The following CRK variants were observed in gnomAD, a reference collection of about 807,000 sequenced individuals.
CRK encodes the protein adapter molecule crk.
In CRK, 4 loss-of-function variants were observed where a neutral mutation model predicts 29.8. The ratio of observed to expected loss-of-function variants is 0.13; its 90% CI spans 0.07 to 0.31. The LOEUF is 0.31. Among genes scored for constraint, CRK ranks in the 10% least tolerant of loss-of-function variants. The probability of loss-of-function intolerance (pLI) is 1.00; values close to 1 mark genes in which losing one functional copy is unlikely to be tolerated. For synonymous variants in CRK, 153 were observed against 164.9 expected (o/e 0.93, Z 0.55); for missense variants, 274 against 396.5 (o/e 0.69, Z 2.62).
intron 2 of CRK, among the ~76,000 whole-genome samples, chr17:1,433,723 C>T (rs1440888049): frequency 6.6e-6 from 1 of 151,286 alleles, no homozygotes; most frequent in South Asian, 2.1e-4. Context: ...TTCATCATAT[C>T]GGTCAGGCTG....
chr17:1,429,367 C>T (rs1207493862), intron 2 of CRK, among the ~76,000 whole-genome samples: 1 of 151,924 alleles, frequency 6.6e-6, no homozygotes, highest in African/African-American at 2.4e-5. Flanking sequence ...ATTGCAAACT[C>T]CGCCTCCTGG....
At chr17:1,436,594 C>T in intron 2 of CRK, 26 bp downstream of exon 2, 2 of 1,569,394 alleles carry the variant, frequency 1.3e-6, no homozygotes, top group East Asian at 2.2e-5. Flanking sequence ...CAGATCTCTT[C>T]TTTCTACATT....
intron 1 of CRK, among the ~76,000 whole-genome samples, chr17:1,448,455 T>TC (rs564760392): frequency 1.2e-3 from 187 of 151,610 alleles, no homozygotes; most frequent in Non-Finnish European, 2.0e-3. Flanking sequence ...GAAACCCATC[T>TC]CTACTAAAAA....
chr17:1,433,823 T>C (rs1471945474), intron 2 of CRK, among the ~76,000 whole-genome samples: 2 of 99,758 alleles, frequency 2.0e-5, no homozygotes, highest in South Asian at 3.4e-4. Flanking sequence ...CCAGCATGTA[T>C]GGTTTTTTTT....
In CRK at chr17:1,456,192, C is replaced by T. The variant is rs1422845233; in HGVS notation, c.-75G>A. The T allele has an allele frequency of 7.4e-7, 1 of 1,356,346 alleles. No individual in the cohort carries two copies. Among genetic ancestry groups the T allele is most frequent in the Non-Finnish European group, 9.4e-7 (1 of 1,059,292 alleles). The allele number at this position is 1,356,346 out of a possible 1,614,324, so 84.0% of individuals were successfully genotyped here. ...CCGGCCCCCGGCGCCCGCCGCCCAG[C>T]GGACCGGCTCCGGTTTCAGCTTCAC... On this transcript the variant is annotated 5_prime_UTR_variant, in exon 1 of 3. Transcript: ENST00000300574.
intron 2 of CRK, chr17:1,424,867 A>T (rs2073762582): frequency 6.6e-6 from 1 of 151,802 alleles, no homozygotes; most frequent in Non-Finnish European, 1.5e-5. Context: ...TACAAAAATT[A>T]GCTGGGTGTG....
chr17:1,441,811 A>AT (rs1197540121), intron 1 of CRK, among the ~76,000 whole-genome samples: 4 of 151,118 alleles, frequency 2.6e-5, no homozygotes, highest in Non-Finnish European at 5.9e-5. Context: ...TGATTTTGAA[A>AT]TTTTTTTTAT....
intron 1 of CRK, among the ~76,000 whole-genome samples, chr17:1,446,391 C>T (rs529692298): frequency 6.6e-6 from 1 of 152,200 alleles, no homozygotes; most frequent in Admixed American, 6.6e-5. Context: ...AGGTAACCAC[C>T]CCCTGCCAGC....
intron 2 of CRK, among the ~76,000 whole-genome samples, chr17:1,424,138 C>T (rs1437636548): frequency 1.4e-5 from 2 of 145,568 alleles, no homozygotes; most frequent in African/African-American, 5.1e-5. Context: ...GTGATCTCAG[C>T]TCACTGCAAG....
Position 1,430,266 on chromosome 17 carries a change from A to T in CRK, c.777+6354T>A, listed in dbSNP as rs569811670. 2.5e-3 allele frequency among the ~76,000 whole-genome samples: 377 copies of T among 151,256 alleles called. 3 individuals carry two copies. Among genetic ancestry groups the T allele is most frequent in the African/African-American group, 8.6e-3 (352 of 40,774 alleles). On this transcript the variant is annotated intron_variant, in intron 2 of 2. Transcript: ENST00000300574. ...AAAATGTTAGTCAGGCTGGTCTCGA[A>T]TTCCTGACCTCAGGTGAAGAGTTCA...
At chr17:1,441,380 G>A (rs2073933801) in intron 1 of CRK, among the ~76,000 whole-genome samples, 1 of 152,146 alleles carries the variant, frequency 6.6e-6, no homozygotes, top group African/African-American at 2.4e-5. Context: ...CCAAGCTGGA[G>A]TGCAGTAGTG....
intron 1 of CRK, among the ~76,000 whole-genome samples, chr17:1,450,155 A>C (rs2074006025): frequency 1.3e-5 from 2 of 152,104 alleles, no homozygotes; most frequent in South Asian, 4.1e-4. Context: ...CAGTGAGCTG[A>C]GATCGTCCCA....
chr17:1,452,034 G>C (rs140296364), intron 1 of CRK, among the ~76,000 whole-genome samples: 1 of 151,064 alleles, frequency 6.6e-6, no homozygotes, highest in Non-Finnish European at 1.5e-5. Context: ...CCAGGGCAGA[G>C]GCAAAGTATT....
intron 1 of CRK, 95 bp from the exon 2 acceptor site, chr17:1,437,250 CTA>C (rs552359472): frequency 3.4e-5 from 46 of 1,346,040 alleles, no homozygotes; most frequent in Admixed American, 1.4e-4. Context: ...TGGGATCTCA[CTA>C]TGTTACCCAG....
rs1335697978 is a variant in CRK at position 1,423,312 on chromosome 17, C to T, written c.*201G>A. 6.0e-6 allele frequency: 4 copies of T among 668,052 alleles called. No homozygotes were observed. Among genetic ancestry groups the T allele is most frequent in the Admixed American group, 3.2e-5 (1 of 31,120 alleles). The allele number at this position is 668,052 out of a possible 1,614,324, so 41.4% of individuals were successfully genotyped here. ...CTCCAATTGCCAATTCAGAAGCTAACACACAAGCCCTCCAGTTCGTACCCT... is the reference window on the plus strand; with the variant it reads ...CTCCAATTGCCAATTCAGAAGCTAATACACAAGCCCTCCAGTTCGTACCCT... On this transcript the variant is annotated 3_prime_UTR_variant, in exon 3 of 3. Coordinates refer to ENST00000300574, the MANE Select transcript of CRK (RefSeq NM_016823.4).
chr17:1,439,039 GCCCAGACTGGTGAACT>G (rs1282160083), intron 1 of CRK, among the ~76,000 whole-genome samples: 1 of 151,978 alleles, frequency 6.6e-6, no homozygotes, highest in African/African-American at 2.4e-5. Flanking sequence ...TCACCACGTT[GCCCAGACTGGTGAACT>G]CCCGGGATTG....
intron 2 of CRK, among the ~76,000 whole-genome samples, chr17:1,435,285 C>G (rs1189653405): frequency 6.6e-6 from 1 of 152,056 alleles, no homozygotes; most frequent in Non-Finnish European, 1.5e-5. Flanking sequence ...CTCCTGAGCT[C>G]AAGTGATCTG....
intron 1 of CRK, among the ~76,000 whole-genome samples, chr17:1,444,575 A>G (rs1205141162): frequency 1.6e-5 from 2 of 124,570 alleles, no homozygotes; most frequent in African/African-American, 3.2e-5. Flanking sequence ...CTGTAATCCC[A>G]GCACTTTGGG....
At chr17:1,446,590 C>CTTTTTTTTT (rs56660089) in intron 1 of CRK, among the ~76,000 whole-genome samples, 3 of 125,486 alleles carry the variant, frequency 2.4e-5, no homozygotes, top group Non-Finnish European at 3.2e-5. Context: ...CTCACTATGA[C>CTTTTTTTTT]TTTTTTTTTT....
Sources: allele counts gnomAD v4.1 joint callset (sites outside exome capture counted in the v4.1 genomes callset), GRCh38; gene constraint gnomAD v4.1.1; transcripts MANE v1.5; gene names NCBI Gene and HGNC (gene_info 2026-07-23, HGNC 2026-07-21).